Variants in TET2 observed in about 807,000 individuals in gnomAD.
TET2 encodes the protein tet methylcytosine dioxygenase 2.
In TET2, 299 loss-of-function variants were observed where a neutral mutation model predicts 142.9. The ratio of observed to expected loss-of-function variants is 2.09; its 90% CI spans 1.90 to 2.30. The LOEUF is 2.30. Ranked by LOEUF, TET2 falls within the 30% of genes most tolerant of loss-of-function variation. The pLI, the probability that TET2 is intolerant of heterozygous loss-of-function variation, is 0.00. For missense variants in TET2, 2,418 were observed against 2,378.0 expected (o/e 1.02, Z -0.35); for synonymous variants, 819 against 849.0 (o/e 0.96, Z 0.61).
intron 2 of TET2, among the ~76,000 whole-genome samples, chr4:105,227,804 A>G (rs1394735776): frequency 6.6e-6 from 1 of 152,192 alleles, no homozygotes; most frequent in African/African-American, 2.4e-5. Context: ...GCAATCATTT[A>G]AATTCATAAA....
chr4:105,146,522 C>G (rs1578517241), upstream of TET2: 1 of 152,472 alleles, frequency 6.6e-6, no homozygotes, highest in Non-Finnish European at 1.5e-5. Flanking sequence ...CTGTACGGCC[C>G]CAGGTGCCGC....
chr4:105,274,439 A>G (rs1731100848), intron 10 of TET2, among the ~76,000 whole-genome samples: 1 of 152,162 alleles, frequency 6.6e-6, no homozygotes, highest in African/African-American at 2.4e-5. Flanking sequence ...AATACGTGTC[A>G]TTCTTTTTTT....
chr4:105,239,762 C>CT, intron 3 of TET2: 1 of 230,186 alleles, frequency 4.3e-6, no homozygotes, highest in Non-Finnish European at 8.7e-6. Context: ...ACTTGGCTAA[C>CT]TGGCATGCAA....
At chr4:105,249,998 C>T (rs1578701978) in intron 6 of TET2, among the ~76,000 whole-genome samples, 1 of 152,190 alleles carries the variant, frequency 6.6e-6, no homozygotes, top group Admixed American at 6.5e-5. Flanking sequence ...GAAAGATTTA[C>T]ACCTATGCTT....
intron 2 of TET2, among the ~76,000 whole-genome samples, chr4:105,213,747 A>G (rs375666257): frequency 1.3e-5 from 2 of 152,158 alleles, no homozygotes; most frequent in African/African-American, 2.4e-5. Flanking sequence ...TTTTAACTCT[A>G]TGATCTGCTT....
chr4:105,258,541 G>T (rs556821621), intron 6 of TET2, among the ~76,000 whole-genome samples: 5 of 152,124 alleles, frequency 3.3e-5, no homozygotes, highest in African/African-American at 1.2e-4. Flanking sequence ...TTACTTTTAG[G>T]CTTTTTTAAT....
chr4:105,244,659 G>A lies in TET2; in HGVS notation c.3803+881G>A, dbSNP rs1291347120. 4.3e-5 allele frequency among the ~76,000 whole-genome samples: 6 copies of A among 139,934 alleles called. No individual in the cohort carries two copies. The South Asian group carries it at 6.9e-4, about 16-fold the overall frequency. 91.8% of individuals were successfully genotyped at this position (139,934 alleles called of 152,430 possible). A position where few individuals can be genotyped will look rare whatever the true frequency, so the allele number is the denominator to read the frequency against. Reference sequence around the variant, plus strand: ...TGCCCAGGCTGGAGTGCAATGGCGCGATCTTGGTTCACCGCGACCTCCACC... The same window carrying A: ...TGCCCAGGCTGGAGTGCAATGGCGCAATCTTGGTTCACCGCGACCTCCACC... On this transcript the variant is annotated intron_variant, in intron 6 of 10. Transcript: ENST00000380013.
chr4:105,262,857 G>T (rs1826969), intron 8 of TET2, among the ~76,000 whole-genome samples: 4,787 of 151,358 alleles, frequency 0.032, 244 homozygotes, highest in African/African-American at 0.11. Context: ...CTCCAGCCTA[G>T]GCAACAAGAG....
At chr4:105,187,918 G>C (rs945039719) in intron 1 of TET2, among the ~76,000 whole-genome samples, 2 of 152,148 alleles carry the variant, frequency 1.3e-5, no homozygotes, top group Non-Finnish European at 2.9e-5. Flanking sequence ...AATGTAAAAA[G>C]GTGCAGCCAC....
intron 1 of TET2, among the ~76,000 whole-genome samples, chr4:105,179,686 C>G (rs1441415635): frequency 6.6e-6 from 1 of 152,166 alleles, no homozygotes; most frequent in Admixed American, 6.5e-5. Flanking sequence ...GACCTGCTTT[C>G]TGATAATGCA....
chr4:105,193,566 A>G (rs1205005896), intron 2 of TET2, among the ~76,000 whole-genome samples: 2 of 152,182 alleles, frequency 1.3e-5, no homozygotes, highest in Non-Finnish European at 2.9e-5. Context: ...TAAATTGAAA[A>G]TGGATTTTGT....
At chr4:105,216,522 G>A (rs1727505211) in intron 2 of TET2, among the ~76,000 whole-genome samples, 1 of 152,060 alleles carries the variant, frequency 6.6e-6, no homozygotes. Context: ...ACGATAGAGG[G>A]GAAAGGGGGT....
intron 6 of TET2, among the ~76,000 whole-genome samples, chr4:105,248,914 G>A (rs74686727): frequency 0.032 from 4,893 of 150,928 alleles, 191 homozygotes; most frequent in African/African-American, 0.09. Context: ...CATGTATTTG[G>A]CCTTTCTCTC....
At position 105,277,756 on chromosome 4, in the gene TET2, G is replaced by A. The variant is rs1731287501; in HGVS notation, c.*1237G>A. On this transcript the variant is annotated 3_prime_UTR_variant, in exon 11 of 11. Coordinates refer to ENST00000380013, the MANE Select transcript of TET2 (RefSeq NM_001127208.3). Reference sequence around the variant, plus strand: ...ATTGCTCAAAAATGTACAGTTTTAAGAATTTTCTATTAACTGCAGGTAATA... The same window carrying A: ...ATTGCTCAAAAATGTACAGTTTTAAAAATTTTCTATTAACTGCAGGTAATA... 8.8e-6 allele frequency: 2 copies of A among 228,036 alleles called. No individual in the cohort carries two copies. The highest frequency in any genetic ancestry group is 1.7e-5 in the Non-Finnish European group (2 of 114,924). 14.1% of individuals were successfully genotyped at this position (228,036 alleles called of 1,614,324 possible). A position where few individuals can be genotyped will look rare whatever the true frequency, so the allele number is the denominator to read the frequency against.
intron 1 of TET2, among the ~76,000 whole-genome samples, chr4:105,155,171 A>G (rs1362711782): frequency 2.6e-5 from 4 of 152,260 alleles, no homozygotes; most frequent in Non-Finnish European, 5.9e-5. Context: ...GGCAGAGAAT[A>G]AACTTCAAAA....
chr4:105,160,993 T>G (rs556368145), intron 1 of TET2, among the ~76,000 whole-genome samples: 37 of 152,236 alleles, frequency 2.4e-4, no homozygotes, highest in African/African-American at 8.7e-4. Flanking sequence ...TCAGGCTGGT[T>G]TTGAACTCCT....
chr4:105,246,670 G>A (rs1466353293), intron 6 of TET2, among the ~76,000 whole-genome samples: 1 of 152,134 alleles, frequency 6.6e-6, no homozygotes, highest in Non-Finnish European at 1.5e-5. Context: ...TTTTATGGCT[G>A]GCAGAAATGA....
chr4:105,233,487 A>G (rs1482687224), intron 2 of TET2, among the ~76,000 whole-genome samples: 4 of 152,092 alleles, frequency 2.6e-5, no homozygotes, highest in African/African-American at 9.7e-5. Context: ...AAAGGAATAT[A>G]TAGGAAGTAC....
chr4:105,225,056 A>G (rs1728099892), intron 2 of TET2, among the ~76,000 whole-genome samples: 1 of 152,020 alleles, frequency 6.6e-6, no homozygotes, highest in African/African-American at 2.4e-5. Context: ...GCCTTTTTAG[A>G]CTTAAAAAAA....
Sources: allele counts gnomAD v4.1 joint callset (sites outside exome capture counted in the v4.1 genomes callset), GRCh38; gene constraint gnomAD v4.1.1; transcripts MANE v1.5; gene names NCBI Gene and HGNC (gene_info 2026-07-23, HGNC 2026-07-21).